The following MVB12A variants were observed in gnomAD, a reference collection of about 807,000 sequenced individuals.
MVB12A encodes the protein multivesicular body subunit 12A.
In MVB12A, 30 loss-of-function variants were observed where a neutral mutation model predicts 34.3. The observed-to-expected ratio is 0.88, with a 90% confidence interval of 0.65 to 1.19. The LOEUF (loss-of-function observed/expected upper bound fraction) is 1.19. Ranked by LOEUF, MVB12A falls within the 50% of genes most tolerant of loss-of-function variation. The pLI is 0.00. For synonymous variants in MVB12A, 158 were observed against 158.9 expected (o/e 0.99, Z 0.04); for missense variants, 355 against 369.2 (o/e 0.96, Z 0.31).
intron 2 of MVB12A, among the ~76,000 whole-genome samples, chr19:17,408,970 A>G (rs972546625): frequency 1.3e-5 from 2 of 150,000 alleles, no homozygotes; most frequent in African/African-American, 4.9e-5. Context: ...CTGGGACTAC[A>G]GATGCCTGCC....
At chr19:17,420,020 C>A (rs113937404), upstream of MVB12A, 235 of 362,496 alleles carry the variant, frequency 6.5e-4, no homozygotes, top group East Asian at 1.8e-3. Context: ...TCTCCGCCCC[C>A]CCCCCCCGCA....
At chr19:17,409,721 G>A (rs1413012867) in intron 2 of MVB12A, among the ~76,000 whole-genome samples, 1 of 151,694 alleles carries the variant, frequency 6.6e-6, no homozygotes, top group Non-Finnish European at 1.5e-5. Context: ...AAATTGCTGG[G>A]GTTACAGGCT....
intron 3 of MVB12A, among the ~76,000 whole-genome samples, chr19:17,421,477 C>G (rs1196848401): frequency 6.6e-6 from 1 of 152,026 alleles, no homozygotes; most frequent in African/African-American, 2.4e-5. Flanking sequence ...AGCCACCGCA[C>G]CCGGCCAAAC....
chr19:17,420,798 C>T, intron 3 of MVB12A, 164 bp downstream of exon 3: 1 of 637,014 alleles, frequency 1.6e-6, no homozygotes, highest in Non-Finnish European at 2.8e-6. Flanking sequence ...GGTGGACCGA[C>T]ATCCCCTGTC....
chr19:17,423,305 G>A (rs2074849433), intron 4 of MVB12A, among the ~76,000 whole-genome samples, 193 bp from the exon 5 acceptor site: 1 of 149,228 alleles, frequency 6.7e-6, no homozygotes, highest in African/African-American at 2.5e-5. Context: ...ATTGCAGTGA[G>A]TCTAGATTGC....
chr19:17,407,989 G>A (rs2074740174), intron 2 of MVB12A, among the ~76,000 whole-genome samples: 1 of 152,232 alleles, frequency 6.6e-6, no homozygotes, highest in South Asian at 2.1e-4. Flanking sequence ...TTGCACTCTT[G>A]TCTTCTGGTC....
upstream of MVB12A, chr19:17,415,321 C>T (rs2074792447): frequency 6.6e-6 from 1 of 151,994 alleles, no homozygotes; most frequent in African/African-American, 2.4e-5. Context: ...AAGAGTTAAC[C>T]TGCGTAAGCA....
chr19:17,406,667 C>T (rs1599596207), intron 2 of MVB12A, among the ~76,000 whole-genome samples: 2 of 152,210 alleles, frequency 1.3e-5, no homozygotes, highest in East Asian at 3.9e-4. Context: ...TAGAGCCAGG[C>T]ATGGTGGTAC....
chr19:17,423,356 T>TC lies in MVB12A; in HGVS notation c.414-138dup, dbSNP rs76279859. On this transcript the variant is annotated intron_variant, in intron 4 of 8. Transcript: ENST00000317040. ...CCTGGGCAACATGAGCGAAACTCCGTCCCCAAAAAAAAAAAAAAAAAAAAT... is the reference window on the plus strand; with the variant it reads ...CCTGGGCAACATGAGCGAAACTCCGTCCCCCAAAAAAAAAAAAAAAAAAAAT... 4.0e-5 allele frequency: 39 copies of TC among 984,738 alleles called. No individual in the cohort carries two copies. In the African/African-American group the frequency reaches 4.0e-4, roughly 10 times the overall value. 61.0% of individuals were successfully genotyped at this position (984,738 alleles called of 1,614,324 possible).
In MVB12A at chr19:17,425,141, G is replaced by A. The variant is rs2074864070; in HGVS notation, c.*148G>A. 3.3e-6 allele frequency: 2 copies of A among 602,286 alleles called. No homozygotes were observed. Among genetic ancestry groups the A allele is most frequent in the Admixed American group, 6.1e-5 (2 of 32,584 alleles). 37.3% of individuals were successfully genotyped at this position (602,286 alleles called of 1,614,324 possible). A position where few individuals can be genotyped will look rare whatever the true frequency, so the allele number is the denominator to read the frequency against. ...AGGCGTTTGCTATCTTCAGCCACTG[G>A]GCGGAGCTGCAGCCCTGGAGGAGGG... is the stretch of plus-strand genomic sequence containing the variant. On this transcript the variant is annotated 3_prime_UTR_variant, in exon 9 of 9. Coordinates refer to ENST00000317040, the MANE Select transcript of MVB12A (RefSeq NM_138401.4).
chr19:17,420,312 G>A lies in MVB12A; in HGVS notation c.91-1G>A. ...GGCGCTGACCCGCGTCCTCCCGGTA[G>A]ATCTCCTGCACCGTCGAGGGGGCAC... On this transcript the variant is annotated splice_acceptor_variant, in intron 1 of 8. Transcript: ENST00000317040. LOFTEE classifies it high-confidence loss of function. 1 of 1,593,592 alleles carries A rather than the reference G, an allele frequency of 6.3e-7. No individual in the cohort carries two copies.
intron 2 of MVB12A, among the ~76,000 whole-genome samples, chr19:17,410,591 C>CGTAT (rs1339825944): frequency 0.018 from 2,236 of 127,392 alleles, 37 homozygotes; most frequent in African/African-American, 0.05. Flanking sequence ...TATATATACA[C>CGTAT]ACATATATAT....
At chr19:17,423,953 T>C (rs2074854602) in intron 6 of MVB12A, 53 bp from the exon 7 acceptor site, 1 of 1,599,578 alleles carries the variant, frequency 6.3e-7, no homozygotes, top group Non-Finnish European at 8.6e-7. Flanking sequence ...CCTCTGTGGG[T>C]GGGGTGGGCA....
In MVB12A at chr19:17,420,188, C is replaced by T; in HGVS notation, c.53C>T (p.Ser18Leu). The T allele has an allele frequency of 6.9e-7, 1 of 1,442,462 alleles. No homozygotes were observed. The highest frequency in any genetic ancestry group is 9.0e-7 in the Non-Finnish European group (1 of 1,105,460). 89.4% of individuals were successfully genotyped at this position (1,442,462 alleles called of 1,614,324 possible). The part of the protein sequence containing the change: ...DSAPLAGLAW[S>L]SASAPPPRGF... ...GCGCCGCTGGCTGGCCTGGCCTGGT[C>T]GTCGGCCTCTGCACCCCCGCCGCGG... Residue 18 changes from serine to leucine, a missense_variant, in exon 1 of 9, where the codon TCG becomes TTG. Transcript: ENST00000317040.
intron 2 of MVB12A, among the ~76,000 whole-genome samples, chr19:17,410,199 C>A (rs1003012122): frequency 2.0e-5 from 3 of 151,666 alleles, no homozygotes; most frequent in African/African-American, 7.3e-5. Context: ...GAGACAGAAT[C>A]TTGTCCTGTT....
chr19:17,407,316 A>T (rs1336451058), intron 2 of MVB12A, among the ~76,000 whole-genome samples: 7 of 152,124 alleles, frequency 4.6e-5, no homozygotes, highest in Admixed American at 4.6e-4. Context: ...ATAAAGACAC[A>T]AGACGAAGAG....
chr19:17,415,956 TAG>T (rs973993399), upstream of MVB12A, among the ~76,000 whole-genome samples: 17 of 152,216 alleles, frequency 1.1e-4, no homozygotes, highest in African/African-American at 3.9e-4. Context: ...GTGAGAACAT[TAG>T]AACAGTAAGC....
chr19:17,422,187 T>C (rs1599607883), intron 3 of MVB12A, 145 bp from the exon 4 acceptor site: 1 of 644,492 alleles, frequency 1.6e-6, no homozygotes, highest in East Asian at 2.7e-5. Context: ...ATTCATGATT[T>C]AACCACTCCT....
At position 17,422,426 on chromosome 19, in the gene MVB12A, G is replaced by A; in HGVS notation, c.381G>A (p.Lys127=). ...TAVFDVRLSG[K]TKTVPGYLRI... Reference sequence around the variant, plus strand: ...TGTTTGATGTCCGGCTGAGTGGGAAGACCAAGACAGTGCCTGGATACCTTC... The same window carrying A: ...TGTTTGATGTCCGGCTGAGTGGGAAAACCAAGACAGTGCCTGGATACCTTC... The change falls in exon 4 of 9, where the codon AAG becomes AAA. Residue 127 remains lysine, a synonymous_variant. Coordinates refer to ENST00000317040, the MANE Select transcript of MVB12A (RefSeq NM_138401.4). 6.2e-7 allele frequency: 1 copy of A among 1,613,452 alleles called. No individual in the cohort carries two copies. Among genetic ancestry groups the A allele is most frequent in the Admixed American group, 1.7e-5 (1 of 59,956 alleles).
Sources: gnomAD v4.1 joint callset for allele counts (sites outside exome capture counted in the v4.1 genomes callset) on GRCh38, gnomAD v4.1.1 for gene constraint, MANE v1.5 for transcripts, NCBI Gene and HGNC (gene_info 2026-07-23, HGNC 2026-07-21) for gene names.